The following NUTM2G variants were observed in gnomAD, a reference collection of about 807,000 sequenced individuals.
NUTM2G encodes family with sequence similarity 22, member G.
In NUTM2G, 29 loss-of-function variants were observed where a neutral mutation model predicts 44.3. The ratio of observed to expected loss-of-function variants is 0.66; its 90% CI spans 0.49 to 0.89. NUTM2G has a LOEUF of 0.89. Ranked by LOEUF, NUTM2G falls within the 40% of genes least tolerant of loss-of-function variation. The pLI, the probability that NUTM2G is intolerant of heterozygous loss-of-function variation, is 0.00. For synonymous variants in NUTM2G, 205 were observed against 395.9 expected, an observed-to-expected ratio of 0.52 and a Z score of 5.72; for missense variants, 502 against 946.5, an observed-to-expected ratio of 0.53 and a Z score of 6.16.
rs1318451167 is a variant in NUTM2G, at chr9:96,938,622, C to T, written c.1699C>T (p.Gln567Ter). 1 of 1,601,242 alleles carries T rather than the reference C, an allele frequency of 6.2e-7. No individual in the cohort carries two copies. Among genetic ancestry groups the T allele is most frequent in the Non-Finnish European group, 8.5e-7 (1 of 1,179,420 alleles). Residue 567 changes from glutamine to a stop codon, truncating the protein, a stop_gained, in exon 7 of 7, where the codon CAG becomes TAG. Coordinates refer to ENST00000372322, the MANE Select transcript of NUTM2G (RefSeq NM_001170741.3). LOFTEE classifies it low-confidence loss of function (END_TRUNC). Reference sequence around the variant, plus strand: ...AGACCCTGCTGTGCTTTTGGGATGTCAGGACTCCCCCAGGCTGAAGGCTGT... The same window carrying T: ...AGACCCTGCTGTGCTTTTGGGATGTTAGGACTCCCCCAGGCTGAAGGCTGT... ...SEDPAVLLGC[Q>*]DSPRLKAVRP...
chr9:96,932,978 C>CTTTTCT lies in NUTM2G; in HGVS notation c.713+564_713+565insCTTTTT, dbSNP rs1554694902. Among the ~76,000 whole-genome samples the CTTTTCT allele has an allele frequency of 7.1e-3, 919 of 129,444 alleles. 22 individuals carry two copies. The highest frequency in any genetic ancestry group is 0.025 in the African/African-American group (859 of 34,948). 84.9% of individuals were successfully genotyped at this position (129,444 alleles called of 152,430 possible). On this transcript the variant is annotated intron_variant, in intron 2 of 6. Transcript: ENST00000372322. ...TACTTACTTTCTTTTCTTTTCTTTTCTTTTTTTTTTTTTTTTTGAGATGGA... is the reference window on the plus strand; with the variant it reads ...TACTTACTTTCTTTTCTTTTCTTTTCTTTTCTTTTTTTTTTTTTTTTTTGAGATGGA...
At chr9:96,933,847 G>C (rs544441380) in intron 2 of NUTM2G, 1 of 152,222 alleles carries the variant, frequency 6.6e-6, no homozygotes, top group East Asian at 1.9e-4. Context: ...CCTGCACAGG[G>C]GGATGGTCTT....
intron 5 of NUTM2G, among the ~76,000 whole-genome samples, chr9:96,937,671 GGTCTGTGT>G (rs1369585071): frequency 2.6e-5 from 4 of 151,128 alleles, no homozygotes; most frequent in East Asian, 3.9e-4. Context: ...GTTGTACATG[GGTCTGTGT>G]GTCTGTGTGT....
In NUTM2G at chr9:96,937,098, G is replaced by A. The variant is rs749504282; in HGVS notation, c.1017G>A (p.Pro339=). Residue 339 remains proline, a synonymous_variant, in exon 5 of 7, where the codon CCG becomes CCA. Coordinates refer to ENST00000372322, the MANE Select transcript of NUTM2G (RefSeq NM_001170741.3). ...CCAGCAAGGATGGCCCCAAGGCCCC[G>A]ACTGCCTGCCTGCCACCACCCAGGC... is the stretch of plus-strand genomic sequence containing the variant. ...YLPSKDGPKA[P]TACLPPPRPQ... The A allele has an allele frequency of 9.3e-6, 15 of 1,610,600 alleles. No homozygotes were observed. The African/African-American group carries it at 1.2e-4, about 13-fold the overall frequency.
At position 96,930,872 on chromosome 9, in the gene NUTM2G, G is replaced by GTTTTTTTTTTT. The variant is rs1168888338; in HGVS notation, c.17-820_17-810dup. 6.3e-4 allele frequency among the ~76,000 whole-genome samples: 46 copies of GTTTTTTTTTTT among 72,724 alleles called. 12 individuals are homozygous for GTTTTTTTTTTT. The highest frequency in any genetic ancestry group is 9.5e-4 in the East Asian group (2 of 2,098). The allele number at this position is 72,724 out of a possible 152,430, so 47.7% of individuals were successfully genotyped here. A position where few individuals can be genotyped will look rare whatever the true frequency, so the allele number is the denominator to read the frequency against. On this transcript the variant is annotated intron_variant, in intron 1 of 6. Coordinates refer to ENST00000372322, the MANE Select transcript of NUTM2G (RefSeq NM_001170741.3). ...GGCTTGGGCGAGTTTCCATCCAGTGGTTTTTTTTTTTTTTTTTTTTTTTTT... is the reference window on the plus strand; with the variant it reads ...GGCTTGGGCGAGTTTCCATCCAGTGGTTTTTTTTTTTTTTTTTTTTTTTTTTTTTTTTTTTT...
intron 5 of NUTM2G, 145 bp from the exon 6 acceptor site, chr9:96,937,740 G>A (rs528643366): frequency 2.0e-5 from 20 of 1,010,600 alleles, no homozygotes; most frequent in East Asian, 7.1e-5. Context: ...TGGTCTGTGC[G>A]TGTAGCTGGT....
intron 2 of NUTM2G, among the ~76,000 whole-genome samples, chr9:96,934,283 A>C (rs1826360335): frequency 6.6e-6 from 1 of 152,196 alleles, no homozygotes; most frequent in African/African-American, 2.4e-5. Context: ...AGCAAACAGG[A>C]GCTTGAGCAT....
chr9:96,932,026 C>T lies in NUTM2G; in HGVS notation c.321C>T (p.Leu107=), dbSNP rs564080152. The change falls in exon 2 of 7, where the codon CTC becomes CTT. Residue 107 remains leucine (L), a synonymous_variant. Transcript: ENST00000372322. ...CCTTGATCCTAACTCAGGCCCCCCT[C>T]GTCTGGCAGGCTCCAGGCACCCTCT... ...AQTLILTQAP[L]VWQAPGTLCG... 20 of 1,610,074 alleles carry T rather than the reference C, an allele frequency of 1.2e-5. No homozygotes were observed. The highest frequency in any genetic ancestry group is 2.3e-4 in the Middle Eastern group (1 of 4,438).
chr9:96,931,785 C>G lies in NUTM2G; in HGVS notation c.80C>G (p.Ala27Gly). ...NPGTSLSVFT[A>G]LPFATPSPGP... ...GGCACCTCCCTGTCTGTGTTCACGG[C>G]TCTGCCCTTTGCCACACCCTCTCCC... The change falls in exon 2 of 7, where the codon GCT becomes GGT. Residue 27 changes from alanine (A) to glycine (G), a missense_variant. Transcript: ENST00000372322. 3.7e-6 allele frequency: 6 copies of G among 1,611,708 alleles called. No individual in the cohort carries two copies. The highest frequency in any genetic ancestry group is 5.1e-6 in the Non-Finnish European group (6 of 1,179,862).
intron 2 of NUTM2G, among the ~76,000 whole-genome samples, chr9:96,933,245 T>C (rs1826327438): frequency 1.3e-5 from 2 of 151,964 alleles, no homozygotes; most frequent in Non-Finnish European, 2.9e-5. Context: ...CCCAAAGTGC[T>C]GCGATTGCAG....
downstream of NUTM2G, among the ~76,000 whole-genome samples, chr9:96,941,527 A>ACT (rs369017559): frequency 0.07 from 9,633 of 137,002 alleles, 29 homozygotes; most frequent in East Asian, 0.33. Flanking sequence ...AGATCCCAGC[A>ACT]CTCTCTCTCT....
At chr9:96,931,076 T>C (rs570336627) in intron 1 of NUTM2G, among the ~76,000 whole-genome samples, 118 of 151,908 alleles carry the variant, frequency 7.8e-4, no homozygotes, top group African/African-American at 2.8e-3. Context: ...TTAGTAGAGA[T>C]GGGGTTTCAC....
chr9:96,941,083 G>A (rs1826580216), downstream of NUTM2G, among the ~76,000 whole-genome samples: 1 of 150,060 alleles, frequency 6.7e-6, no homozygotes, highest in Non-Finnish European at 1.5e-5. Context: ...TGTTAAGTGA[G>A]CCGTGTTTGA....
chr9:96,933,139 G>A (rs996115016), intron 2 of NUTM2G, among the ~76,000 whole-genome samples: 5 of 151,056 alleles, frequency 3.3e-5, no homozygotes, highest in East Asian at 2.0e-4. Flanking sequence ...CACCATGCCC[G>A]GCTAATTTTT....
At chr9:96,933,735 G>C (rs1826344220) in intron 2 of NUTM2G, 1 of 152,478 alleles carries the variant, frequency 6.6e-6, no homozygotes, top group Admixed American at 6.5e-5. Flanking sequence ...AATGGCCAGG[G>C]GCACATCACA....
chr9:96,936,405 T>C lies in NUTM2G; in HGVS notation c.843-20T>C, dbSNP rs766968017. On this transcript the variant is annotated intron_variant, in intron 3 of 6. Transcript: ENST00000372322. ...GGGCCTGGACCCTCTCAGCACAGCC[T>C]GGGCCTCCTTCACCCCCAGGTTCCT... is the stretch of plus-strand genomic sequence containing the variant. 7 of 1,568,726 alleles carry C rather than the reference T, an allele frequency of 4.5e-6. No individual in the cohort carries two copies. Among genetic ancestry groups the C allele is most frequent in the Non-Finnish European group, 3.4e-6 (4 of 1,165,398 alleles).
chr9:96,935,434 A>G lies in NUTM2G; in HGVS notation c.820A>G (p.Ile274Val). 1 of 1,611,964 alleles carries G rather than the reference A, an allele frequency of 6.2e-7. No homozygotes were observed. The highest frequency in any genetic ancestry group is 8.5e-7 in the Non-Finnish European group (1 of 1,179,844). ...GCACACGAGCAACTTTGACCGGATGATTTTCTACGAGATGGCGGCAAAGTG... is the reference window on the plus strand; with the variant it reads ...GCACACGAGCAACTTTGACCGGATGGTTTTCTACGAGATGGCGGCAAAGTG... ...WQHTSNFDRM[I>V]FYEMAAKFLE... The change falls in exon 3 of 7, where the codon ATT (isoleucine) becomes GTT (valine). Residue 274 changes from isoleucine to valine, a missense_variant. By Grantham distance (29) the Ile-to-Val change is conservative. Transcript: ENST00000372322.
At chr9:96,934,679 AG>A in intron 2 of NUTM2G, among the ~76,000 whole-genome samples, 1 of 151,160 alleles carries the variant, frequency 6.6e-6, no homozygotes, top group Non-Finnish European at 1.5e-5. Flanking sequence ...CCTGTGGCCC[AG>A]GAACCTGCAC....
intron 1 of NUTM2G, among the ~76,000 whole-genome samples, chr9:96,929,834 G>T (rs1826181257): frequency 6.6e-6 from 1 of 151,932 alleles, no homozygotes. Flanking sequence ...TGAAGAATTT[G>T]CTCCTGTTCC....
Sources: allele counts gnomAD v4.1 joint callset (sites outside exome capture counted in the v4.1 genomes callset), GRCh38; gene constraint gnomAD v4.1.1; transcripts MANE v1.5; gene names NCBI Gene and HGNC (gene_info 2026-07-23, HGNC 2026-07-21).